The following SH3BGR variants were observed in gnomAD, a reference collection of about 807,000 sequenced individuals.
SH3BGR encodes SH3 domain-binding glutamic acid-rich protein.
SH3BGR carries 29 observed loss-of-function variants against 24.5 expected under a neutral mutation model. The ratio of observed to expected loss-of-function variants is 1.18; its 90% CI spans 0.88 to 1.61. The LOEUF is 1.61. Ranked by LOEUF, SH3BGR falls within the 40% of genes most tolerant of loss-of-function variation. The probability of loss-of-function intolerance (pLI) is 0.00; values close to 1 mark genes in which losing one functional copy is unlikely to be tolerated. For synonymous variants in SH3BGR, 55 were observed against 65.7 expected, an observed-to-expected ratio of 0.84 and a Z score of 0.79; for missense variants, 162 against 205.8, an observed-to-expected ratio of 0.79 and a Z score of 1.30.
chr21:39,482,832 G>C (rs2078152634), intron 3 of SH3BGR, among the ~76,000 whole-genome samples: 1 of 152,090 alleles, frequency 6.6e-6, no homozygotes, highest in South Asian at 2.1e-4. Context: ...ACCACGCCCA[G>C]CTAATTTTTG....
chr21:39,465,904 A>G (rs2077833957), intron 2 of SH3BGR, among the ~76,000 whole-genome samples: 2 of 152,116 alleles, frequency 1.3e-5, no homozygotes, highest in Non-Finnish European at 1.5e-5. Flanking sequence ...CCATATTTTA[A>G]TGTCTGCAAA....
chr21:39,466,888 C>G (rs191984029), intron 2 of SH3BGR, among the ~76,000 whole-genome samples: 4 of 148,666 alleles, frequency 2.7e-5, no homozygotes, highest in Admixed American at 6.6e-5. Flanking sequence ...TGTCTTTTGA[C>G]TTTCAAAAGG....
chr21:39,514,992 A>G (rs1374621223), intron 6 of SH3BGR, 96 bp from the exon 7 acceptor site: 7 of 381,380 alleles, frequency 1.8e-5, no homozygotes, highest in Non-Finnish European at 3.8e-5. Flanking sequence ...ATAAAAGGCA[A>G]CACTTTCCTT....
At chr21:39,505,871 G>A (rs928705797) in intron 4 of SH3BGR, among the ~76,000 whole-genome samples, 1 of 152,106 alleles carries the variant, frequency 6.6e-6, no homozygotes, top group Non-Finnish European at 1.5e-5. Flanking sequence ...CTAGCTCTAC[G>A]GTTGACAGTA....
chr21:39,510,475 A>ACC lies in SH3BGR; in HGVS notation c.436-1204_436-1203insCC, dbSNP rs1339353948. Among the ~76,000 whole-genome samples the ACC allele has an allele frequency of 5.5e-4, 81 of 146,332 alleles. 2 individuals carry two copies. Among genetic ancestry groups the ACC allele is most frequent in the African/African-American group, 2.0e-3 (76 of 37,838 alleles). On this transcript the variant is annotated intron_variant, in intron 5 of 6. Coordinates refer to ENST00000333634, the MANE Select transcript of SH3BGR (RefSeq NM_007341.3). Reference sequence around the variant, plus strand: ...ACACACTGTAGCTACACACACACACACACACCCCATCAATTTCTGGTGAAT... The same window carrying ACC: ...ACACACTGTAGCTACACACACACACACCCACACCCCATCAATTTCTGGTGAAT...
chr21:39,466,136 A>C (rs1212124081), intron 2 of SH3BGR, among the ~76,000 whole-genome samples: 1 of 152,214 alleles, frequency 6.6e-6, no homozygotes, highest in Non-Finnish European at 1.5e-5. Flanking sequence ...CAATATTGGC[A>C]AATGCTCCTC....
chr21:39,464,053 G>A (rs2077799507), intron 2 of SH3BGR, among the ~76,000 whole-genome samples: 1 of 152,108 alleles, frequency 6.6e-6, no homozygotes, highest in South Asian at 2.1e-4. Flanking sequence ...GCACTCCTTG[G>A]CTTATGGAAG....
At chr21:39,459,857 C>T (rs1038216978) in intron 1 of SH3BGR, among the ~76,000 whole-genome samples, 4 of 152,170 alleles carry the variant, frequency 2.6e-5, no homozygotes, top group African/African-American at 9.7e-5. Context: ...GTGTGAGCCA[C>T]TGCACCTGGT....
chr21:39,506,487 A>G (rs1379349663), intron 4 of SH3BGR, among the ~76,000 whole-genome samples: 1 of 152,222 alleles, frequency 6.6e-6, no homozygotes, highest in African/African-American at 2.4e-5. Context: ...TAATTTATAA[A>G]GGAAAGAGGT....
chr21:39,452,803 C>G (rs1415099038), intron 1 of SH3BGR, among the ~76,000 whole-genome samples: 1 of 152,050 alleles, frequency 6.6e-6, no homozygotes. Flanking sequence ...CAATTCTGGC[C>G]TTCATTCTGT....
At chr21:39,478,481 T>G (rs138995322) in intron 3 of SH3BGR, among the ~76,000 whole-genome samples, 3 of 152,216 alleles carry the variant, frequency 2.0e-5, no homozygotes, top group Admixed American at 2.0e-4. Context: ...GTTTTGAAGT[T>G]GTACGATGAG....
chr21:39,481,311 AAAAC>A (rs1401770711), intron 3 of SH3BGR, among the ~76,000 whole-genome samples: 2 of 152,224 alleles, frequency 1.3e-5, no homozygotes, highest in Admixed American at 6.5e-5. Context: ...AAAACAAACA[AAAAC>A]AAACAAACTC....
intron 4 of SH3BGR, among the ~76,000 whole-genome samples, chr21:39,504,992 T>C (rs1310819789): frequency 6.6e-6 from 1 of 152,138 alleles, no homozygotes; most frequent in African/African-American, 2.4e-5. Flanking sequence ...TTTACATTTT[T>C]TGTAGAGATG....
intron 6 of SH3BGR, among the ~76,000 whole-genome samples, chr21:39,512,797 C>A (rs2078719330): frequency 6.6e-6 from 1 of 151,854 alleles, no homozygotes; most frequent in Admixed American, 6.6e-5. Flanking sequence ...GTCTCCAAAA[C>A]AAAAACAAAA....
At chr21:39,472,994 G>A (rs2077966623) in intron 2 of SH3BGR, among the ~76,000 whole-genome samples, 1 of 151,922 alleles carries the variant, frequency 6.6e-6, no homozygotes, top group African/African-American at 2.4e-5. Flanking sequence ...GGTCAGCAGT[G>A]TATTTAAATT....
intron 4 of SH3BGR, among the ~76,000 whole-genome samples, 157 bp downstream of exon 4, chr21:39,500,072 G>A (rs2078468261): frequency 6.6e-6 from 1 of 152,176 alleles, no homozygotes; most frequent in South Asian, 2.1e-4. Context: ...CTACTGATGT[G>A]TTAAGCACTG....
intron 1 of SH3BGR, among the ~76,000 whole-genome samples, chr21:39,453,487 C>T (rs146870666): frequency 1.3e-5 from 2 of 152,236 alleles, no homozygotes; most frequent in African/African-American, 4.8e-5. Flanking sequence ...TTACCTCTTA[C>T]CAGCCAGTCC....
chr21:39,447,915 C>CT (rs1388792915), upstream of SH3BGR, among the ~76,000 whole-genome samples: 2 of 152,154 alleles, frequency 1.3e-5, no homozygotes, highest in Non-Finnish European at 2.9e-5. Flanking sequence ...AACAATAGAA[C>CT]TTTATCTTCT....
chr21:39,478,709 A>T (rs2078068000), intron 3 of SH3BGR, among the ~76,000 whole-genome samples: 1 of 151,178 alleles, frequency 6.6e-6, no homozygotes, highest in African/African-American at 2.4e-5. Flanking sequence ...TTTCTCTCCC[A>T]TTTTCCATAT....
Sources: allele counts gnomAD v4.1 joint callset (sites outside exome capture counted in the v4.1 genomes callset), GRCh38; gene constraint gnomAD v4.1.1; transcripts MANE v1.5; gene names NCBI Gene and HGNC (gene_info 2026-07-23, HGNC 2026-07-21).